SNTG2: variants seen among roughly 807,000 people sequenced by gnomAD.
SNTG2 encodes the protein syntrophin gamma 2, also known as gamma-2-syntrophin.
A neutral mutation model predicts 70.9 loss-of-function variants in SNTG2; 74 were observed. The observed-to-expected ratio is 1.04, with a 90% CI of 0.86 to 1.27. The LOEUF (loss-of-function observed/expected upper bound fraction) is 1.27. Ranked by LOEUF, SNTG2 falls within the 50% of genes most tolerant of loss-of-function variation. SNTG2 has a pLI of 0.00. For synonymous variants in SNTG2, 278 were observed against 273.8 expected, an observed-to-expected ratio of 1.02 and a Z score of -0.15; for missense variants, 717 against 690.7, an observed-to-expected ratio of 1.04 and a Z score of -0.43.
chr2:1,229,082 C>T (rs1676004772), intron 9 of SNTG2, among the ~76,000 whole-genome samples: 1 of 152,114 alleles, frequency 6.6e-6, no homozygotes, highest in African/African-American at 2.4e-5. Flanking sequence ...AAAGAGTGAG[C>T]AGTAGCAGGA....
At chr2:1,047,394 C>T (rs991832809) in intron 1 of SNTG2, among the ~76,000 whole-genome samples, 6 of 152,148 alleles carry the variant, frequency 3.9e-5, no homozygotes, top group African/African-American at 1.4e-4. Flanking sequence ...TGGGGAACCT[C>T]ATGTGGGGCT....
chr2:979,162 C>T (rs2147964856), intron 1 of SNTG2, among the ~76,000 whole-genome samples: 1 of 152,280 alleles, frequency 6.6e-6, no homozygotes, highest in South Asian at 2.1e-4. Context: ...CCTTGGTGGA[C>T]AGCTGGTATA....
intron 1 of SNTG2, among the ~76,000 whole-genome samples, chr2:1,035,185 A>G (rs887737711): frequency 6.6e-6 from 1 of 152,182 alleles, no homozygotes; most frequent in Non-Finnish European, 1.5e-5. Context: ...AGATACAACA[A>G]TCCTTTATTT....
chr2:1,314,513 G>A (rs1681175780), intron 15 of SNTG2, among the ~76,000 whole-genome samples: 1 of 152,194 alleles, frequency 6.6e-6, no homozygotes, highest in Admixed American at 6.5e-5. Context: ...GGGCAGGAGT[G>A]GCTCGGGCAG....
chr2:1,110,015 A>G (rs1477358741), intron 4 of SNTG2, among the ~76,000 whole-genome samples: 3 of 152,200 alleles, frequency 2.0e-5, no homozygotes, highest in Admixed American at 6.5e-5. Context: ...TGGGAATGTC[A>G]GGTTGGACAC....
At chr2:1,148,202 A>G (rs1186683801) in intron 6 of SNTG2, among the ~76,000 whole-genome samples, 1 of 152,232 alleles carries the variant, frequency 6.6e-6, no homozygotes, top group Admixed American at 6.5e-5. Context: ...TGTCATTCCA[A>G]ATGAAAGTGT....
At chr2:1,171,253 A>T (rs1671107335) in intron 7 of SNTG2, among the ~76,000 whole-genome samples, 1 of 152,214 alleles carries the variant, frequency 6.6e-6, no homozygotes, top group Non-Finnish European at 1.5e-5. Context: ...AAATAAATTT[A>T]TAGAAATTTA....
At chr2:987,800 A>G (rs74546487) in intron 1 of SNTG2, among the ~76,000 whole-genome samples, 187 of 152,212 alleles carry the variant, frequency 1.2e-3, no homozygotes, top group African/African-American at 4.4e-3. Context: ...GGCCTCCTAG[A>G]CAAGGACAGG....
At chr2:1,193,706 C>T (rs935334750) in intron 8 of SNTG2, among the ~76,000 whole-genome samples, 5 of 152,168 alleles carry the variant, frequency 3.3e-5, no homozygotes, top group Admixed American at 6.5e-5. Flanking sequence ...GTTAGACTCT[C>T]GCCTGACAGC....
chr2:984,622 A>G (rs1488783420), intron 1 of SNTG2, among the ~76,000 whole-genome samples: 2 of 152,166 alleles, frequency 1.3e-5, no homozygotes, highest in African/African-American at 2.4e-5. Flanking sequence ...CCATGAGGTC[A>G]GCTGTGGCCC....
At chr2:1,211,581 C>T (rs1356501430) in intron 9 of SNTG2, among the ~76,000 whole-genome samples, 3 of 152,096 alleles carry the variant, frequency 2.0e-5, no homozygotes, top group Non-Finnish European at 4.4e-5. Flanking sequence ...CTGGGGAGGC[C>T]TCACAATCAT....
intron 14 of SNTG2, among the ~76,000 whole-genome samples, chr2:1,301,359 T>C (rs918766703): frequency 2.0e-5 from 3 of 152,158 alleles, no homozygotes; most frequent in Non-Finnish European, 4.4e-5. Context: ...CTGCAGGATG[T>C]AACCAAGGCA....
chr2:1,162,048 T>C (rs1357461373), intron 6 of SNTG2, among the ~76,000 whole-genome samples: 1 of 109,860 alleles, frequency 9.1e-6, no homozygotes, highest in Admixed American at 1.5e-4. Context: ...CACTCCAGCC[T>C]GGGCGACAGT....
Position 1,148,949 on chromosome 2 carries a change from G to A in SNTG2, c.411+11140G>A, listed in dbSNP as rs1669282551. Among the ~76,000 whole-genome samples the A allele has an allele frequency of 2.0e-5, 3 of 152,274 alleles. No individual in the cohort carries two copies. In the South Asian group the frequency reaches 6.2e-4, roughly 32 times the overall value. On this transcript the variant is annotated intron_variant, in intron 6 of 16. Transcript: ENST00000308624. ...GGGACAGGAGTCTCGAGGTTTCACAGCTGCTTGATGCTTCTGTGCATCGCC... is the reference window on the plus strand; with the variant it reads ...GGGACAGGAGTCTCGAGGTTTCACAACTGCTTGATGCTTCTGTGCATCGCC...
chr2:1,250,508 GTC>G (rs1471424229), intron 12 of SNTG2, among the ~76,000 whole-genome samples: 3 of 151,590 alleles, frequency 2.0e-5, no homozygotes, highest in African/African-American at 7.3e-5. Context: ...TCATCTCTCT[GTC>G]TCTTTCTGTC....
intron 13 of SNTG2, 51 bp downstream of exon 13, chr2:1,259,492 G>T (rs1053536583): frequency 4.1e-6 from 6 of 1,452,486 alleles, no homozygotes; most frequent in Admixed American, 1.7e-5. Context: ...GATGCCCTTT[G>T]GGCTTGCAGA....
At chr2:1,043,785 TA>T (rs1323699208) in intron 1 of SNTG2, among the ~76,000 whole-genome samples, 10 of 152,244 alleles carry the variant, frequency 6.6e-5, no homozygotes, top group Admixed American at 2.6e-4. Context: ...TCTGTTTTTG[TA>T]ACAGTACTAT....
intron 1 of SNTG2, among the ~76,000 whole-genome samples, chr2:984,671 C>T (rs1272651681): frequency 1.3e-5 from 2 of 152,174 alleles, no homozygotes; most frequent in Admixed American, 6.5e-5. Flanking sequence ...GCACATCCTG[C>T]CATCATCAGC....
chr2:1,285,172 GTT>G (rs1679717572), intron 14 of SNTG2, among the ~76,000 whole-genome samples: 1 of 152,084 alleles, frequency 6.6e-6, no homozygotes, highest in Non-Finnish European at 1.5e-5. Context: ...GACTTTTCAT[GTT>G]TTTCTGCCTG....
Sources: allele counts gnomAD v4.1 joint callset (sites outside exome capture counted in the v4.1 genomes callset), GRCh38; gene constraint gnomAD v4.1.1; transcripts MANE v1.5; gene names NCBI Gene and HGNC (gene_info 2026-07-23, HGNC 2026-07-21).